FER: variants seen among roughly 807,000 people sequenced by gnomAD.
FER encodes the protein FER tyrosine kinase, also known as tyrosine-protein kinase Fer.
In FER, 63 loss-of-function variants were observed where a neutral mutation model predicts 111.0. The observed-to-expected ratio is 0.57, with a 90% CI of 0.46 to 0.70. The LOEUF is 0.70. FER is among the 30% of genes least tolerant of loss of function. The pLI is 0.00. For synonymous variants in FER, 327 were observed against 313.9 expected (o/e 1.04, Z -0.44); for missense variants, 914 against 954.0 (o/e 0.96, Z 0.55).
At chr5:109,055,557 C>T (rs1773508674) in intron 16 of FER, among the ~76,000 whole-genome samples, 1 of 151,884 alleles carries the variant, frequency 6.6e-6, no homozygotes, top group African/African-American at 2.4e-5. Flanking sequence ...GAGGCTGAGG[C>T]AGGAGGACTG....
At chr5:109,071,902 C>G (rs761571854) in intron 16 of FER, among the ~76,000 whole-genome samples, 2 of 150,206 alleles carry the variant, frequency 1.3e-5, no homozygotes, top group African/African-American at 4.9e-5. Flanking sequence ...ATAGTTCTAT[C>G]GTCATGAGGG....
rs1768525038 is a variant in FER, at chr5:109,025,187, T to C, written c.1657-12235T>C. ...CATTGGTAGCTTGATGGGGATGGCATTGAATCTATAAATTACCTTGGGCAG... is the reference window on the plus strand; with the variant it reads ...CATTGGTAGCTTGATGGGGATGGCACTGAATCTATAAATTACCTTGGGCAG... On this transcript the variant is annotated intron_variant, in intron 13 of 19. Coordinates refer to ENST00000281092, the MANE Select transcript of FER (RefSeq NM_005246.4). Among the ~76,000 whole-genome samples, 5 of 152,140 alleles carry C rather than the reference T, an allele frequency of 3.3e-5. No homozygotes were observed. The South Asian group carries it at 6.2e-4, about 19-fold the overall frequency.
chr5:108,769,191 A>T (rs1367456264), intron 2 of FER, among the ~76,000 whole-genome samples: 2 of 152,184 alleles, frequency 1.3e-5, no homozygotes, highest in Non-Finnish European at 2.9e-5. Flanking sequence ...GGTGGAATCT[A>T]CTTTAGATAG....
intron 13 of FER, among the ~76,000 whole-genome samples, chr5:108,967,602 A>T (rs933015126): frequency 6.6e-6 from 1 of 151,910 alleles, no homozygotes; most frequent in African/African-American, 2.4e-5. Context: ...TCTACTAAAA[A>T]TACAAAAATT....
intron 13 of FER, among the ~76,000 whole-genome samples, chr5:109,021,034 G>C (rs940510273): frequency 1.3e-5 from 2 of 151,890 alleles, no homozygotes; most frequent in African/African-American, 4.8e-5. Context: ...GTTATTTTAA[G>C]TGTTTTGCTT....
intron 16 of FER, chr5:109,051,453 A>G: frequency 2.5e-6 from 4 of 1,613,294 alleles, no homozygotes; most frequent in Non-Finnish European, 3.4e-6. Flanking sequence ...CATCGGGGAA[A>G]TCAAAAGGCT....
At chr5:109,133,701 A>C (rs1752600968) in intron 17 of FER, among the ~76,000 whole-genome samples, 1 of 152,156 alleles carries the variant, frequency 6.6e-6, no homozygotes, top group Non-Finnish European at 1.5e-5. Flanking sequence ...TTATGTGATA[A>C]TTGTTCCCTA....
intron 17 of FER, among the ~76,000 whole-genome samples, chr5:109,157,656 T>C (rs529168619): frequency 5.3e-5 from 8 of 152,270 alleles, no homozygotes; most frequent in African/African-American, 1.9e-4. Flanking sequence ...CTTAGTGACT[T>C]TCCATTTTTA....
chr5:108,985,143 G>A (rs1762422317), intron 13 of FER, among the ~76,000 whole-genome samples: 1 of 152,122 alleles, frequency 6.6e-6, no homozygotes, highest in African/African-American at 2.4e-5. Flanking sequence ...TAAATGGAGA[G>A]TGGACATGGG....
chr5:109,147,483 A>T (rs955352379), intron 17 of FER, among the ~76,000 whole-genome samples: 15 of 152,162 alleles, frequency 9.9e-5, no homozygotes, highest in Admixed American at 2.6e-4. Context: ...GACATGCAAC[A>T]TCATTCATGA....
At chr5:108,767,022 C>CA (rs546958421) in intron 1 of FER, among the ~76,000 whole-genome samples, 56 of 152,236 alleles carry the variant, frequency 3.7e-4, no homozygotes, top group Non-Finnish European at 7.5e-4. Flanking sequence ...AGGCAGAGGC[C>CA]AGGCGCAGTG....
chr5:108,867,207 C>T (rs1038018149), intron 5 of FER, among the ~76,000 whole-genome samples: 4 of 151,878 alleles, frequency 2.6e-5, no homozygotes, highest in African/African-American at 4.8e-5. Context: ...TAGTAGCGTT[C>T]AGCTAATAAT....
intron 13 of FER, among the ~76,000 whole-genome samples, chr5:109,012,841 A>G (rs1018999333): frequency 3.9e-5 from 6 of 152,180 alleles, no homozygotes; most frequent in African/African-American, 9.6e-5. Flanking sequence ...CTCTATGACA[A>G]TATGATGAAT....
chr5:108,992,320 C>T (rs1763296969), intron 13 of FER, among the ~76,000 whole-genome samples: 1 of 152,216 alleles, frequency 6.6e-6, no homozygotes, highest in Non-Finnish European at 1.5e-5. Flanking sequence ...AATCTTTTCC[C>T]CACCTTTACC....
rs140803791 is a variant in FER at position 109,012,413 on chromosome 5, G to C, written c.1657-25009G>C. Among the ~76,000 whole-genome samples the C allele has an allele frequency of 1.3e-3, 194 of 152,264 alleles. 1 individual carries two copies. The highest frequency in any genetic ancestry group is 0.011 in the Admixed American group (168 of 15,292). On this transcript the variant is annotated intron_variant, in intron 13 of 19. Transcript: ENST00000281092. ...GCAAGTTTCACGTGTCACAATTAAA[G>C]TTTTATGTACGTATTTTGAGGCTAA...
chr5:108,823,033 A>G (rs1386178493), intron 3 of FER, among the ~76,000 whole-genome samples: 1 of 152,162 alleles, frequency 6.6e-6, no homozygotes, highest in East Asian at 1.9e-4. Context: ...CACCATGGCC[A>G]GCTAATTTTT....
chr5:108,997,569 T>C (rs990447560), intron 13 of FER, among the ~76,000 whole-genome samples: 1 of 152,084 alleles, frequency 6.6e-6, no homozygotes, highest in Admixed American at 6.5e-5. Flanking sequence ...TGGCCAGACT[T>C]CTAATACTAT....
intron 3 of FER, chr5:108,830,818 G>C (rs1759965621): frequency 6.6e-6 from 1 of 152,398 alleles, no homozygotes; most frequent in Admixed American, 6.5e-5. Context: ...ATGTTTATTA[G>C]CAGCGTTGGG....
At position 109,049,037 on chromosome 5, in the gene FER, A is replaced by G. The variant is rs369364427; in HGVS notation, c.1924+1839A>G. On this transcript the variant is annotated intron_variant, in intron 16 of 19. Transcript: ENST00000281092. ...TTTTTACAAACAGTGTTCAATGAAT[A>G]TCCTTGGACTCACTGTAAGAATCAT... is the stretch of plus-strand genomic sequence containing the variant. 1.3e-4 allele frequency among the ~76,000 whole-genome samples: 20 copies of G among 152,222 alleles called. 1 individual carries two copies. The East Asian group carries it at 1.9e-3, about 15-fold the overall frequency.
Sources: allele counts gnomAD v4.1 joint callset (sites outside exome capture counted in the v4.1 genomes callset), GRCh38; gene constraint gnomAD v4.1.1; transcripts MANE v1.5; gene names NCBI Gene and HGNC (gene_info 2026-07-23, HGNC 2026-07-21).